Variants in PACRG observed in about 807,000 individuals in gnomAD.
PACRG encodes the protein parkin coregulated.
Under a neutral mutation model 29.7 loss-of-function variants are expected in PACRG, and 29 were observed. The ratio of observed to expected loss-of-function variants is 0.98; its 90% CI spans 0.73 to 1.33. PACRG has a LOEUF of 1.33. PACRG is among the 40% of genes most tolerant of loss of function. The pLI is 0.00. For synonymous variants in PACRG, 116 were observed against 118.7 expected (o/e 0.98, Z 0.15); for missense variants, 279 against 316.2 (o/e 0.88, Z 0.89).
At chr6:162,841,236 TG>T (rs1220323801) in intron 2 of PACRG, among the ~76,000 whole-genome samples, 1 of 140,118 alleles carries the variant, frequency 7.1e-6, no homozygotes, top group African/African-American at 2.7e-5. Flanking sequence ...GGACTCTTTT[TG>T]GTTGGTAAAC....
intron 2 of PACRG, among the ~76,000 whole-genome samples, chr6:162,948,011 A>G (rs1799370415): frequency 6.6e-6 from 1 of 151,954 alleles, no homozygotes; most frequent in Admixed American, 6.6e-5. Context: ...CTATCAAAAT[A>G]CCAATGTCAT....
intron 2 of PACRG, among the ~76,000 whole-genome samples, chr6:162,857,095 G>A (rs978271194): frequency 3.9e-5 from 6 of 152,216 alleles, no homozygotes; most frequent in Non-Finnish European, 7.4e-5. Context: ...CATTTGCAGC[G>A]GGGTGGGTAA....
intron 2 of PACRG, among the ~76,000 whole-genome samples, chr6:162,881,803 C>G (rs1793872776): frequency 6.7e-6 from 1 of 148,178 alleles, no homozygotes; most frequent in Non-Finnish European, 1.5e-5. Flanking sequence ...GGTTAGAGAC[C>G]CTGGGGTGCT....
At chr6:163,037,853 G>A (rs1346605037) in intron 2 of PACRG, among the ~76,000 whole-genome samples, 1 of 152,172 alleles carries the variant, frequency 6.6e-6, no homozygotes, top group African/African-American at 2.4e-5. Context: ...TCCTGTCTGG[G>A]AGGCACTCCC....
Position 163,315,169 on chromosome 6 carries a change from G to A in PACRG, c.*182G>A. The A allele has an allele frequency of 1.6e-6, 1 of 638,756 alleles. No homozygotes were observed. The highest frequency in any genetic ancestry group is 2.3e-5 in the South Asian group (1 of 43,982). The allele number at this position is 638,756 out of a possible 1,614,324, so 39.6% of individuals were successfully genotyped here. Reference sequence around the variant, plus strand: ...AGCAAGGCTTTCCAATACATAAATAGTGTCTGTTTCTTAGATTACAATAGT... The same window carrying A: ...AGCAAGGCTTTCCAATACATAAATAATGTCTGTTTCTTAGATTACAATAGT... On this transcript the variant is annotated 3_prime_UTR_variant, in exon 5 of 5. Transcript: ENST00000366888.
At chr6:162,727,932 T>C (rs1225636114), upstream of PACRG, 5 of 586,820 alleles carry the variant, frequency 8.5e-6, no homozygotes, top group African/African-American at 1.9e-5. Context: ...CAATCTTACG[T>C]CACCGGGGGG....
rs567161245 is a variant in PACRG, at chr6:163,248,429, T to C, written c.614-66398T>C. Among the ~76,000 whole-genome samples, 3 of 110,610 alleles carry C rather than the reference T, an allele frequency of 2.7e-5. No homozygotes were observed. In the South Asian group the frequency reaches 8.5e-4, roughly 31 times the overall value. The allele number at this position is 110,610 out of a possible 152,430, so 72.6% of individuals were successfully genotyped here. On this transcript the variant is annotated intron_variant, in intron 4 of 4. Coordinates refer to ENST00000366888, the MANE Select transcript of PACRG (RefSeq NM_001080379.2). ...GGGCAAGAGGGGAGTGCATATTTTA[T>C]GCAAAAAAAAAAAAAAAAGATTTTG...
At chr6:163,295,138 T>C (rs575085955) in intron 4 of PACRG, among the ~76,000 whole-genome samples, 1 of 152,342 alleles carries the variant, frequency 6.6e-6, no homozygotes, top group South Asian at 2.1e-4. Flanking sequence ...AATTGACATT[T>C]TTTAGCCAAA....
intron 2 of PACRG, among the ~76,000 whole-genome samples, chr6:162,870,022 A>G (rs1792663768): frequency 6.6e-6 from 1 of 152,214 alleles, no homozygotes; most frequent in Non-Finnish European, 1.5e-5. Context: ...ACTCATTAAA[A>G]GATGATCTGC....
chr6:162,867,069 T>C (rs757103463), intron 2 of PACRG, among the ~76,000 whole-genome samples: 1 of 152,148 alleles, frequency 6.6e-6, no homozygotes, highest in Non-Finnish European at 1.5e-5. Flanking sequence ...CGGGAAAGAC[T>C]GGGCAATAGG....
chr6:163,041,885 G>C (rs970995241), intron 2 of PACRG, among the ~76,000 whole-genome samples: 1 of 151,022 alleles, frequency 6.6e-6, no homozygotes, highest in African/African-American at 2.5e-5. Context: ...TTTTGTTTGA[G>C]TTGGAGTTTT....
At chr6:162,871,377 G>A (rs996652436) in intron 2 of PACRG, among the ~76,000 whole-genome samples, 4 of 152,194 alleles carry the variant, frequency 2.6e-5, no homozygotes, top group African/African-American at 9.7e-5. Context: ...GTAAAGGGTT[G>A]ATACTATTCT....
rs868524303 is a variant in PACRG at position 162,787,594 on chromosome 6, A to C, written c.157-26553A>C. On this transcript the variant is annotated intron_variant, in intron 1 of 4. Coordinates refer to ENST00000366888, the MANE Select transcript of PACRG (RefSeq NM_001080379.2). ...TGTGTGTGTGTGTGTATATATATAT[A>C]TATATATATATATATATATATATAT... Among the ~76,000 whole-genome samples, 32 of 133,832 alleles carry C rather than the reference A, an allele frequency of 2.4e-4. 2 individuals are homozygous for C. The highest frequency in any genetic ancestry group is 1.4e-3 in the Admixed American group (18 of 13,048). The allele number at this position is 133,832 out of a possible 152,430, so 87.8% of individuals were successfully genotyped here. A position where few individuals can be genotyped will look rare whatever the true frequency, so the allele number is the denominator to read the frequency against.
At chr6:163,096,647 C>T (rs767483407) in intron 4 of PACRG, among the ~76,000 whole-genome samples, 3 of 152,018 alleles carry the variant, frequency 2.0e-5, no homozygotes, top group Non-Finnish European at 4.4e-5. Context: ...TTGCAGAGAA[C>T]TATAAGAAGG....
intron 1 of PACRG, among the ~76,000 whole-genome samples, chr6:162,763,385 A>G (rs1373902723): frequency 3.9e-5 from 6 of 152,198 alleles, no homozygotes; most frequent in African/African-American, 1.4e-4. Context: ...CTGATATAAA[A>G]CCTAATTTAC....
At chr6:162,974,121 C>T (rs182204934) in intron 2 of PACRG, among the ~76,000 whole-genome samples, 30 of 152,246 alleles carry the variant, frequency 2.0e-4, no homozygotes, top group African/African-American at 7.0e-4. Context: ...GAGCTTGAAG[C>T]AAAAGAGAAA....
chr6:162,867,699 T>G (rs1792418942), intron 2 of PACRG, among the ~76,000 whole-genome samples: 1 of 152,206 alleles, frequency 6.6e-6, no homozygotes, highest in Non-Finnish European at 1.5e-5. Flanking sequence ...TTAAAATATT[T>G]TCTCCCTGTG....
intron 2 of PACRG, among the ~76,000 whole-genome samples, chr6:162,970,369 G>T (rs1341342051): frequency 6.6e-6 from 1 of 152,092 alleles, no homozygotes; most frequent in Non-Finnish European, 1.5e-5. Context: ...ATATACTTAG[G>T]TTCTACTGGA....
intron 2 of PACRG, among the ~76,000 whole-genome samples, chr6:162,884,598 A>T (rs1207775419): frequency 6.6e-6 from 1 of 152,218 alleles, no homozygotes; most frequent in African/African-American, 2.4e-5. Flanking sequence ...AAAATTAAGC[A>T]ACTTATGACT....
Sources: gnomAD v4.1 joint callset for allele counts (sites outside exome capture counted in the v4.1 genomes callset) on GRCh38, gnomAD v4.1.1 for gene constraint, MANE v1.5 for transcripts, NCBI Gene and HGNC (gene_info 2026-07-23, HGNC 2026-07-21) for gene names.